Variants in DNAI2 observed in about 807,000 individuals in gnomAD.
The protein encoded by DNAI2 is dynein axonemal intermediate chain 2.
A neutral mutation model predicts 74.7 loss-of-function variants in DNAI2; 63 were observed. The ratio of observed to expected loss-of-function variants is 0.84; its 90% CI spans 0.69 to 1.04. The LOEUF is 1.04. Among genes scored for constraint, DNAI2 ranks in the 50% least tolerant of loss-of-function variants. The probability of loss-of-function intolerance (pLI) is 0.00; values close to 1 mark genes in which losing one functional copy is unlikely to be tolerated. For synonymous variants in DNAI2, 289 were observed against 314.9 expected (o/e 0.92, Z 0.87); for missense variants, 688 against 803.2 (o/e 0.86, Z 1.73).
chr17:74,282,043 A>G (rs946551388), intron 2 of DNAI2, 43 bp downstream of exon 2: 1 of 1,611,852 alleles, frequency 6.2e-7, no homozygotes, highest in African/African-American at 1.3e-5. Context: ...AGGTGTGGCC[A>G]GGCAGGGCGG....
rs954602668 is a variant in DNAI2, at chr17:74,297,127, C to T, written c.725-2591C>T. 5.3e-5 allele frequency among the ~76,000 whole-genome samples: 8 copies of T among 152,292 alleles called. No homozygotes were observed. The East Asian group carries it at 1.5e-3, about 29-fold the overall frequency. ...TTGAGACAGAGTCTCGCTGTGTCAC[C>T]TAGGCTGGAGTGCAATGTCACGATC... On this transcript the variant is annotated intron_variant, in intron 6 of 13. Transcript: ENST00000311014.
chr17:74,277,428 C>G (rs900699041), intron 1 of DNAI2, among the ~76,000 whole-genome samples: 5 of 151,894 alleles, frequency 3.3e-5, no homozygotes, highest in South Asian at 2.1e-4. Context: ...AAAGAAAATG[C>G]CACTTTCTGC....
At chr17:74,313,102 G>A (rs1049005223) in intron 12 of DNAI2, among the ~76,000 whole-genome samples, 6 of 152,324 alleles carry the variant, frequency 3.9e-5, no homozygotes, top group South Asian at 2.1e-4. Context: ...TAAACCAAGC[G>A]TGGGCCCTGC....
intron 1 of DNAI2, among the ~76,000 whole-genome samples, chr17:74,277,129 G>A (rs892055444): frequency 6.6e-6 from 1 of 152,176 alleles, no homozygotes; most frequent in African/African-American, 2.4e-5. Flanking sequence ...GCTCATGCCT[G>A]TAATCCCAGC....
At chr17:74,290,965 G>C in intron 5 of DNAI2, 55 bp from the exon 6 acceptor site, 1 of 1,515,278 alleles carries the variant, frequency 6.6e-7, no homozygotes, top group Non-Finnish European at 9.2e-7. Flanking sequence ...GAAACTGGTT[G>C]ATCCTGTCCT....
intron 3 of DNAI2, among the ~76,000 whole-genome samples, chr17:74,286,438 T>C (rs575644983): frequency 6.6e-6 from 1 of 152,222 alleles, no homozygotes; most frequent in South Asian, 2.1e-4. Context: ...TTGTTGTTGT[T>C]GAGACAGAGT....
In DNAI2 at chr17:74,314,589, ACCC is replaced by A; in HGVS notation, c.*57_*59del. The A allele has an allele frequency of 3.3e-6, 1 of 300,538 alleles. No individual in the cohort carries two copies. Among genetic ancestry groups the A allele is most frequent in the South Asian group, 3.1e-5 (1 of 32,188 alleles). The allele number at this position is 300,538 out of a possible 1,614,324, so 18.6% of individuals were successfully genotyped here. A position where few individuals can be genotyped will look rare whatever the true frequency, so the allele number is the denominator to read the frequency against. ...ATCATTTTCGTTTGTAACCTTGCAG[ACCC>A]TCAACCAGACTTGCATGGCCATGGC... is the stretch of plus-strand genomic sequence containing the variant. On this transcript the variant is annotated splice_region_variant and 3_prime_UTR_variant, in exon 14 of 14. Coordinates refer to ENST00000311014, the MANE Select transcript of DNAI2 (RefSeq NM_023036.6).
At chr17:74,279,792 G>C (rs773817933) in intron 1 of DNAI2, among the ~76,000 whole-genome samples, 1 of 152,216 alleles carries the variant, frequency 6.6e-6, no homozygotes, top group Non-Finnish European at 1.5e-5. Context: ...GCCACCCAAA[G>C]TGCTGGGATT....
intron 1 of DNAI2, among the ~76,000 whole-genome samples, chr17:74,279,489 TA>T (rs199832373): frequency 1.4e-4 from 21 of 151,190 alleles, no homozygotes; most frequent in African/African-American, 3.2e-4. Context: ...AATTAAAAAT[TA>T]AAAAAAAATA....
chr17:74,301,194 C>T, intron 8 of DNAI2, 26 bp downstream of exon 8: 1 of 1,612,512 alleles, frequency 6.2e-7, no homozygotes, highest in Non-Finnish European at 8.5e-7. Flanking sequence ...TGTCCCTTCC[C>T]CGACTTGCAT....
chr17:74,280,325 G>A (rs1167382801), intron 1 of DNAI2, among the ~76,000 whole-genome samples: 1 of 152,228 alleles, frequency 6.6e-6, no homozygotes, highest in Non-Finnish European at 1.5e-5. Context: ...GGTGTGTCAG[G>A]TCTCAGAAAG....
intron 2 of DNAI2, 37 bp from the exon 3 acceptor site, chr17:74,285,003 C>T: frequency 6.2e-7 from 1 of 1,613,676 alleles, no homozygotes; most frequent in East Asian, 2.2e-5. Flanking sequence ...GGGAGTATAC[C>T]AGGGTGACGT....
chr17:74,311,958 T>A, intron 11 of DNAI2, 45 bp from the exon 12 acceptor site: 153 of 1,510,748 alleles, frequency 1.0e-4, no homozygotes, highest in Non-Finnish European at 1.3e-4. Context: ...TCGCTTGCCA[T>A]CCTGCCCTCT....
chr17:74,291,345 G>A (rs1193667818), intron 6 of DNAI2, among the ~76,000 whole-genome samples: 6 of 151,872 alleles, frequency 4.0e-5, no homozygotes, highest in Admixed American at 2.0e-4. Context: ...GTTATTTTTA[G>A]TAGAGACAGG....
chr17:74,298,211 G>A (rs1228715112), intron 6 of DNAI2, among the ~76,000 whole-genome samples: 1 of 152,210 alleles, frequency 6.6e-6, no homozygotes, highest in Non-Finnish European at 1.5e-5. Context: ...CTCCAAGAAG[G>A]GCCCCTCTAG....
chr17:74,282,142 C>T, intron 2 of DNAI2, 142 bp downstream of exon 2: 3 of 974,254 alleles, frequency 3.1e-6, no homozygotes, highest in Non-Finnish European at 4.7e-6. Flanking sequence ...GAAGTGAGGG[C>T]AGAGGCTCCC....
intron 5 of DNAI2, among the ~76,000 whole-genome samples, chr17:74,290,578 C>A (rs551013077): frequency 9.1e-4 from 139 of 152,288 alleles, no homozygotes; most frequent in African/African-American, 3.2e-3. Context: ...AGGTGCCAGG[C>A]AGAGAGCTAA....
intron 9 of DNAI2, among the ~76,000 whole-genome samples, chr17:74,308,218 A>G (rs1403297603): frequency 1.3e-5 from 2 of 152,138 alleles, no homozygotes; most frequent in African/African-American, 4.8e-5. Flanking sequence ...AGCTACAACT[A>G]TATTGCAATG....
At chr17:74,283,775 G>A (rs1338823555) in intron 2 of DNAI2, among the ~76,000 whole-genome samples, 2 of 151,950 alleles carry the variant, frequency 1.3e-5, no homozygotes, top group African/African-American at 4.8e-5. Context: ...AGCCACGTGT[G>A]GTGGTACATG....
Sources: allele counts gnomAD v4.1 joint callset (sites outside exome capture counted in the v4.1 genomes callset), GRCh38; gene constraint gnomAD v4.1.1; transcripts MANE v1.5; gene names NCBI Gene and HGNC (gene_info 2026-07-23, HGNC 2026-07-21).